The following CD99L2 variants were observed in gnomAD, a reference collection of about 807,000 sequenced individuals.
CD99L2 encodes the protein CD99 antigen-like protein 2.
In CD99L2, 24 loss-of-function variants were observed where a neutral mutation model predicts 27.3. The ratio of observed to expected loss-of-function variants is 0.88; its 90% CI spans 0.64 to 1.24. The LOEUF is 1.24. Ranked by LOEUF, CD99L2 falls within the 50% of genes most tolerant of loss-of-function variation. CD99L2 has a pLI of 0.00. For missense variants in CD99L2, 255 were observed against 221.6 expected, an observed-to-expected ratio of 1.15 and a Z score of -0.96; for synonymous variants, 97 against 87.9, an observed-to-expected ratio of 1.10 and a Z score of -0.58.
chrX:150,858,596 CT>C (rs1160096916), intron 1 of CD99L2, among the ~76,000 whole-genome samples: 2 of 111,999 alleles, frequency 1.8e-5, no homozygotes, highest in Non-Finnish European at 3.8e-5. Flanking sequence ...ATGCTCCTGA[CT>C]AACCAATGGG....
At chrX:150,782,331 T>C (rs2045527064) in intron 7 of CD99L2, among the ~76,000 whole-genome samples, 1 of 112,039 alleles carries the variant, frequency 8.9e-6, no homozygotes, top group Admixed American at 9.4e-5. Context: ...TACCAAAACA[T>C]GGCTGCCTAT....
intron 1 of CD99L2, 84 bp downstream of exon 1, chrX:150,898,438 C>T (rs2047654465): frequency 1.2e-6 from 1 of 801,714 alleles, no homozygotes; most frequent in South Asian, 3.8e-5. Context: ...GAGGCGGGGA[C>T]CGTGCCGCTC....
At chrX:150,882,062 C>T (rs1203125960) in intron 1 of CD99L2, among the ~76,000 whole-genome samples, 1 of 109,747 alleles carries the variant, frequency 9.1e-6, no homozygotes, top group Non-Finnish European at 1.9e-5. Context: ...GTGATCCGCC[C>T]GCCTCGGTCT....
chrX:150,877,953 AACACAT>A (rs1185899839), intron 1 of CD99L2, among the ~76,000 whole-genome samples: 12 of 75,283 alleles, frequency 1.6e-4, no homozygotes, highest in Non-Finnish European at 2.3e-4. Flanking sequence ...CCTTATCTCA[AACACAT>A]ACACACACAC....
intron 1 of CD99L2, among the ~76,000 whole-genome samples, chrX:150,894,135 C>G (rs2047566647): frequency 8.9e-6 from 1 of 111,946 alleles, no homozygotes; most frequent in African/African-American, 3.2e-5. Flanking sequence ...ACCCCTTGCC[C>G]ATTAAGCAGA....
At position 150,775,557 on chromosome X, in the gene CD99L2, GGGT is replaced by G. The variant is rs782785560; in HGVS notation, c.655+614_655+616del. On this transcript the variant is annotated intron_variant, in intron 9 of 10. Transcript: ENST00000370377. ...AACTGTCTTTTAAAAACCTAGTAAA[GGGT>G]GGTGGGTCGGGGGGGAACCACACCA... Among the ~76,000 whole-genome samples the G allele has an allele frequency of 3.1e-4, 35 of 112,637 alleles. 1 individual carries two copies. The South Asian group carries it at 0.012, about 38-fold the overall frequency.
chrX:150,860,120 AT>A (rs1271579364), intron 1 of CD99L2, among the ~76,000 whole-genome samples: 6 of 112,196 alleles, frequency 5.3e-5, no homozygotes, highest in Admixed American at 4.7e-4. Flanking sequence ...CATCAAAAAA[AT>A]AATACACCAC....
At chrX:150,787,414 T>C (rs1439007009) in intron 7 of CD99L2, among the ~76,000 whole-genome samples, 3 of 111,223 alleles carry the variant, frequency 2.7e-5, no homozygotes, top group Non-Finnish European at 5.7e-5. Context: ...GGCAAAAAGG[T>C]AGGGGTCCAG....
intron 10 of CD99L2, among the ~76,000 whole-genome samples, chrX:150,769,930 G>A (rs782214823): frequency 4.8e-4 from 54 of 113,262 alleles, no homozygotes; most frequent in African/African-American, 1.7e-3. Flanking sequence ...CTTGCCTGTG[G>A]CAATTTGCAA....
chrX:150,769,705 G>A (rs782581420), intron 10 of CD99L2, among the ~76,000 whole-genome samples: 9 of 78,503 alleles, frequency 1.1e-4, no homozygotes, highest in African/African-American at 9.3e-4. Flanking sequence ...GCTGCTCCCC[G>A]ACCCCAGCAA....
At chrX:150,879,582 T>A (rs1557422429) in intron 1 of CD99L2, among the ~76,000 whole-genome samples, 1 of 108,299 alleles carries the variant, frequency 9.2e-6, no homozygotes, top group South Asian at 4.1e-4. Context: ...AACAGAATTT[T>A]ACTCCAGAAC....
Position 150,776,300 on chromosome X carries a change from G to A in CD99L2, c.536-7C>T. ...CCAGGCTCTGCCACCATGCCTGCGTGAAGAAGGGGGAGAAATGAGGACAGG... is the reference window on the plus strand; with the variant it reads ...CCAGGCTCTGCCACCATGCCTGCGTAAAGAAGGGGGAGAAATGAGGACAGG... On this transcript the variant is annotated splice_polypyrimidine_tract_variant and splice_region_variant and intron_variant, in intron 8 of 10. Transcript: ENST00000370377. 8.3e-7 allele frequency: 1 copy of A among 1,198,705 alleles called. No homozygotes were observed.
chrX:150,793,577 C>G (rs2045732226), intron 7 of CD99L2, 114 bp downstream of exon 7: 3 of 577,082 alleles, frequency 5.2e-6, no homozygotes, highest in Non-Finnish European at 8.1e-6. Context: ...AACTGGCAGG[C>G]TGGGATGTCT....
intron 2 of CD99L2, among the ~76,000 whole-genome samples, chrX:150,823,422 A>G (rs1443380032): frequency 9.0e-6 from 1 of 110,738 alleles, no homozygotes; most frequent in Non-Finnish European, 1.9e-5. Flanking sequence ...AGTAGCTGGG[A>G]TTACAGACAT....
intron 1 of CD99L2, among the ~76,000 whole-genome samples, chrX:150,891,325 CT>C (rs1233007891): frequency 5.4e-5 from 6 of 112,119 alleles, no homozygotes; most frequent in African/African-American, 1.9e-4. Flanking sequence ...GGCTGTGTTC[CT>C]TCTGGAGGCT....
chrX:150,808,157 C>T (rs181417964), intron 4 of CD99L2, among the ~76,000 whole-genome samples: 1 of 112,436 alleles, frequency 8.9e-6, no homozygotes, highest in East Asian at 2.8e-4. Flanking sequence ...ACCTTCCTGC[C>T]TGCTGTAGCA....
chrX:150,874,113 T>C (rs1557422254), intron 1 of CD99L2, among the ~76,000 whole-genome samples: 1 of 112,265 alleles, frequency 8.9e-6, no homozygotes, highest in African/African-American at 3.2e-5. Context: ...ACCAGAGTTC[T>C]TGGCCTCGGT....
chrX:150,833,323 A>C, intron 1 of CD99L2, among the ~76,000 whole-genome samples: 1 of 111,765 alleles, frequency 8.9e-6, no homozygotes, highest in Middle Eastern at 4.6e-3. Flanking sequence ...GAAAAACACA[A>C]ATGAAAATAT....
intron 7 of CD99L2, among the ~76,000 whole-genome samples, chrX:150,778,146 C>A (rs781944636): frequency 9.1e-6 from 1 of 110,427 alleles, no homozygotes; most frequent in Non-Finnish European, 1.9e-5. Context: ...ACAAATCACA[C>A]ACGATAGTAC....
Sources: gnomAD v4.1 joint callset for allele counts (sites outside exome capture counted in the v4.1 genomes callset) on GRCh38, gnomAD v4.1.1 for gene constraint, MANE v1.5 for transcripts, NCBI Gene and HGNC (gene_info 2026-07-23, HGNC 2026-07-21) for gene names.